The following RASGRF2 variants were observed in gnomAD, a reference collection of about 807,000 sequenced individuals.
RASGRF2 encodes the protein ras-specific guanine nucleotide-releasing factor 2.
RASGRF2 carries 76 observed loss-of-function variants against 151.0 expected under a neutral mutation model. That is an observed-to-expected ratio of 0.50 (90% CI 0.42 to 0.61). The LOEUF is 0.61. Among genes scored for constraint, RASGRF2 ranks in the 20% least tolerant of loss-of-function variants. RASGRF2 has a pLI of 0.00. For missense variants in RASGRF2, 1,148 were observed against 1,564.6 expected, an observed-to-expected ratio of 0.73 and a Z score of 4.49; for synonymous variants, 504 against 566.5, an observed-to-expected ratio of 0.89 and a Z score of 1.57.
At chr5:80,994,220 G>A (rs1017908069) in intron 1 of RASGRF2, among the ~76,000 whole-genome samples, 1 of 151,844 alleles carries the variant, frequency 6.6e-6, no homozygotes, top group African/African-American at 2.4e-5. Context: ...AAAAAAATTA[G>A]CCAGGCGTGG....
intron 1 of RASGRF2, among the ~76,000 whole-genome samples, chr5:81,021,052 T>G (rs1749809669): frequency 6.6e-6 from 1 of 152,214 alleles, no homozygotes; most frequent in Non-Finnish European, 1.5e-5. Flanking sequence ...AGAGCTTGGC[T>G]TCTTTGGGGA....
chr5:81,203,823 C>T (rs113991883), intron 19 of RASGRF2, among the ~76,000 whole-genome samples: 75 of 152,284 alleles, frequency 4.9e-4, no homozygotes, highest in African/African-American at 1.8e-3. Context: ...CATTAGCACT[C>T]GTAGTAAAGT....
chr5:81,064,344 A>G (rs1044618509), intron 2 of RASGRF2, among the ~76,000 whole-genome samples: 4 of 152,224 alleles, frequency 2.6e-5, no homozygotes, highest in Middle Eastern at 3.2e-3. Flanking sequence ...CAAGACAGCA[A>G]GAGAAGGCAA....
intron 17 of RASGRF2, among the ~76,000 whole-genome samples, chr5:81,131,979 G>A (rs1753633750): frequency 6.6e-6 from 1 of 152,214 alleles, no homozygotes; most frequent in South Asian, 2.1e-4. Flanking sequence ...CACATCGCAG[G>A]AATGCAGCTT....
intron 7 of RASGRF2, among the ~76,000 whole-genome samples, chr5:81,083,170 G>C (rs187590994): frequency 6.6e-6 from 1 of 152,112 alleles, no homozygotes; most frequent in African/African-American, 2.4e-5. Flanking sequence ...TGGAGGGTCC[G>C]GTTGTATCTG....
intron 1 of RASGRF2, among the ~76,000 whole-genome samples, chr5:80,991,768 A>G (rs1401638158): frequency 6.6e-6 from 1 of 152,254 alleles, no homozygotes; most frequent in Non-Finnish European, 1.5e-5. Context: ...TAAGTTATGT[A>G]GCCATGTTCA....
intron 1 of RASGRF2, among the ~76,000 whole-genome samples, chr5:80,983,026 C>T (rs1748361137): frequency 6.6e-6 from 1 of 152,210 alleles, no homozygotes; most frequent in South Asian, 2.1e-4. Flanking sequence ...GGAATATCCA[C>T]TTGTATGCTT....
intron 26 of RASGRF2, among the ~76,000 whole-genome samples, chr5:81,222,014 C>G (rs748271616): frequency 2.0e-4 from 30 of 152,258 alleles, no homozygotes; most frequent in Non-Finnish European, 3.2e-4. Flanking sequence ...AAAAGATGCT[C>G]TAGACTCATC....
chr5:81,115,650 A>G (rs1753130806), intron 15 of RASGRF2, among the ~76,000 whole-genome samples: 1 of 152,180 alleles, frequency 6.6e-6, no homozygotes, highest in Non-Finnish European at 1.5e-5. Context: ...ACCTTTAGGA[A>G]CAAACATTTC....
intron 2 of RASGRF2, among the ~76,000 whole-genome samples, chr5:81,064,601 T>C (rs1038786372): frequency 2.0e-5 from 3 of 152,168 alleles, no homozygotes; most frequent in Non-Finnish European, 4.4e-5. Context: ...CTATTCCTTG[T>C]TTCTAAATGA....
chr5:81,113,307 C>T, intron 14 of RASGRF2: 4 of 589,526 alleles, frequency 6.8e-6, no homozygotes, highest in Non-Finnish European at 8.9e-6. Context: ...GATCTCAATG[C>T]TGCTGTTTGG....
At chr5:81,110,616 T>C (rs1752967489) in intron 13 of RASGRF2, among the ~76,000 whole-genome samples, 1 of 151,662 alleles carries the variant, frequency 6.6e-6, no homozygotes, top group African/African-American at 2.4e-5. Context: ...TAGGTGAAAA[T>C]ATCCCTTTAT....
chr5:81,057,569 AT>A (rs1457666378), intron 2 of RASGRF2, among the ~76,000 whole-genome samples: 1 of 152,134 alleles, frequency 6.6e-6, no homozygotes, highest in African/African-American at 2.4e-5. Flanking sequence ...TTGATACATG[AT>A]TATTGTACAT....
At chr5:80,963,085 C>T (rs546937653) in intron 1 of RASGRF2, among the ~76,000 whole-genome samples, 2 of 152,300 alleles carry the variant, frequency 1.3e-5, no homozygotes, top group South Asian at 2.1e-4. Context: ...GCACTGCCAA[C>T]TGGGTGTGTT....
At chr5:81,012,216 T>C (rs1044614238) in intron 1 of RASGRF2, among the ~76,000 whole-genome samples, 17 of 152,254 alleles carry the variant, frequency 1.1e-4, no homozygotes, top group Non-Finnish European at 2.1e-4. Flanking sequence ...TATAAACTTG[T>C]AATTTTTTTC....
intron 23 of RASGRF2, among the ~76,000 whole-genome samples, chr5:81,213,299 A>G (rs1755664339): frequency 6.6e-6 from 1 of 152,136 alleles, no homozygotes; most frequent in Admixed American, 6.5e-5. Flanking sequence ...GGAACAATGC[A>G]TGGTGATTGC....
At chr5:80,993,747 A>G (rs1748729329) in intron 1 of RASGRF2, among the ~76,000 whole-genome samples, 1 of 152,170 alleles carries the variant, frequency 6.6e-6, no homozygotes, top group Admixed American at 6.5e-5. Flanking sequence ...GAATTATTTG[A>G]CAAAAGCCAT....
At chr5:80,978,899 A>T (rs548961185) in intron 1 of RASGRF2, among the ~76,000 whole-genome samples, 1 of 152,330 alleles carries the variant, frequency 6.6e-6, no homozygotes, top group African/African-American at 2.4e-5. Context: ...CTTGCCAGTA[A>T]TTATTTTTTG....
At chr5:81,010,851 C>T (rs535649084) in intron 1 of RASGRF2, among the ~76,000 whole-genome samples, 1 of 152,284 alleles carries the variant, frequency 6.6e-6, no homozygotes, top group East Asian at 1.9e-4. Flanking sequence ...AGATGTGCTT[C>T]ATGTTCTTTT....
Sources: gnomAD v4.1 joint callset for allele counts (sites outside exome capture counted in the v4.1 genomes callset) on GRCh38, gnomAD v4.1.1 for gene constraint, MANE v1.5 for transcripts, NCBI Gene and HGNC (gene_info 2026-07-23, HGNC 2026-07-21) for gene names.